The following MYH13 variants were observed in gnomAD, a reference collection of about 807,000 sequenced individuals.
MYH13 encodes myosin-13.
A neutral mutation model predicts 232.1 loss-of-function variants in MYH13; 177 were observed. The observed-to-expected ratio is 0.76, with a 90% CI of 0.67 to 0.86. MYH13 has a LOEUF of 0.86. Among genes scored for constraint, MYH13 ranks in the 40% least tolerant of loss-of-function variants. The pLI is 0.00. For missense variants in MYH13, 2,246 were observed against 2,405.9 expected (o/e 0.93, Z 1.39); for synonymous variants, 884 against 923.5 (o/e 0.96, Z 0.78).
Position 10,306,344 on chromosome 17 carries a change from A to G in MYH13, c.5466+115T>C, listed in dbSNP as rs117534479. ...ACAGGGAATTTTTCAAGCAGTCCTG[A>G]AACTGAATTTGCAATCTATTCATTC... On this transcript the variant is annotated intron_variant, in intron 37 of 40. Coordinates refer to ENST00000252172, the MANE Select transcript of MYH13 (RefSeq NM_003802.3). This position sits in a 1 kb window ranked among gnomAD's most constrained non-coding sequence, Gnocchi z 4.3. 5.3e-3 allele frequency: 7,714 copies of G among 1,457,526 alleles called. 32 individuals carry two copies. The highest frequency in any genetic ancestry group is 6.3e-3 in the Non-Finnish European group (6,781 of 1,069,018). 90.3% of individuals were successfully genotyped at this position (1,457,526 alleles called of 1,614,324 possible).
intron 18 of MYH13, among the ~76,000 whole-genome samples, chr17:10,333,533 C>T (rs1421602511): frequency 4.0e-5 from 6 of 151,774 alleles, no homozygotes; most frequent in Admixed American, 6.6e-5. Flanking sequence ...TGGGATAACC[C>T]GAGATGTCTT....
chr17:10,356,937 A>G (rs182354879), intron 8 of MYH13, among the ~76,000 whole-genome samples: 40 of 152,290 alleles, frequency 2.6e-4, no homozygotes, highest in African/African-American at 8.4e-4. Context: ...ATCCTTCAAT[A>G]TCTTCAGTAT....
rs571155353 is a variant in MYH13 at position 10,351,078 on chromosome 17, A to G, written c.1006-384T>C. ...CTACTAAAAATACAAAAAATTAGCC[A>G]GGCATGGTGGCTGGCACCTGTAGTC... On this transcript the variant is annotated intron_variant, in intron 11 of 40. Transcript: ENST00000252172. 1.6e-4 allele frequency among the ~76,000 whole-genome samples: 25 copies of G among 152,050 alleles called. No homozygotes were observed. The South Asian group carries it at 5.2e-3, about 32-fold the overall frequency.
chr17:10,334,814 G>C (rs893524516), intron 18 of MYH13, among the ~76,000 whole-genome samples: 1 of 152,174 alleles, frequency 6.6e-6, no homozygotes, highest in African/African-American at 2.4e-5. Context: ...AGGAGGCGGA[G>C]GTTGCAGTGA....
chr17:10,359,879 C>A, intron 7 of MYH13, 81 bp downstream of exon 7: 2 of 1,286,386 alleles, frequency 1.6e-6, no homozygotes, highest in Non-Finnish European at 2.3e-6. Flanking sequence ...TGAGCGCATA[C>A]CCTGCATACA....
At chr17:10,368,534 A>G (rs2071855124) in intron 2 of MYH13, among the ~76,000 whole-genome samples, 2 of 152,264 alleles carry the variant, frequency 1.3e-5, no homozygotes, top group Admixed American at 1.3e-4. Context: ...ATTGTTAATG[A>G]AACTTTTTAG....
rs3826443 is a variant in MYH13 at position 10,340,361 on chromosome 17, G to A, written c.1935C>T (p.Gly645=). Residue 645 remains glycine, a synonymous_variant, in exon 17 of 41, where the codon GGC becomes GGT. Coordinates refer to ENST00000252172, the MANE Select transcript of MYH13 (RefSeq NM_003802.3). ...GGSKKGGKKK[G]SSFQTVSAVF... is the part of the protein sequence containing the mutation. ...CGGCCGACACGGTCTGGAAAGAGGA[G>A]CCCTTCTTCTTCCCGCCCTTCTTGC... 301 of 1,613,944 alleles carry A rather than the reference G, an allele frequency of 1.9e-4. 3 individuals are homozygous for A. The East Asian group carries it at 6.6e-3, about 35-fold the overall frequency.
At chr17:10,357,640 C>CAT (rs2071758957) in intron 8 of MYH13, 95 bp downstream of exon 8, 4 of 1,086,020 alleles carry the variant, frequency 3.7e-6, no homozygotes. Flanking sequence ...AAAAGGCCCC[C>CAT]ATATATTCCA....
rs2071740471 is a variant in MYH13, at chr17:10,355,243, G to A, written c.739-96C>T. 5 of 1,281,664 alleles carry A rather than the reference G, an allele frequency of 3.9e-6. No individual in the cohort carries two copies. In the Admixed American group the frequency reaches 6.2e-5, roughly 16 times the overall value. 79.4% of individuals were successfully genotyped at this position (1,281,664 alleles called of 1,614,324 possible). On this transcript the variant is annotated intron_variant, in intron 8 of 40. Coordinates refer to ENST00000252172, the MANE Select transcript of MYH13 (RefSeq NM_003802.3). ...GTGCTGCCACAGATAAATTATAAAT[G>A]CAAAAATGCTAGAGAACAGAACTGA...
At chr17:10,326,277 G>A (rs917251891) in intron 22 of MYH13, among the ~76,000 whole-genome samples, 18 of 152,134 alleles carry the variant, frequency 1.2e-4, no homozygotes, top group African/African-American at 3.6e-4. Context: ...TCTCTTGTCC[G>A]CTGTACCTGG....
chr17:10,303,987 T>C (rs945921677), intron 37 of MYH13, among the ~76,000 whole-genome samples: 6 of 152,158 alleles, frequency 3.9e-5, no homozygotes. Context: ...TGGATGAAGC[T>C]GGAAACCATC....
At chr17:10,358,945 G>A (rs2071770063) in intron 7 of MYH13, among the ~76,000 whole-genome samples, 1 of 152,228 alleles carries the variant, frequency 6.6e-6, no homozygotes, top group South Asian at 2.1e-4. Flanking sequence ...AGTTGGTCAA[G>A]GTCCCTCAAC....
In MYH13 at chr17:10,309,297, G is replaced by A. The variant is rs1388793934; in HGVS notation, c.5106C>T (p.Thr1702=). Residue 1702 remains threonine (T), a synonymous_variant, in exon 35 of 41, where the codon ACC becomes ACT. Coordinates refer to ENST00000252172, the MANE Select transcript of MYH13 (RefSeq NM_003802.3). The stretch of plus-strand genomic sequence containing the variant: ...GCAGCTCCTGCTCTGACAGCCTGCG[G>A]GTCCGCTCCGTCTGTTCCAGGGCCA... ...MKVALEQTER[T]RRLSEQELLD... 1 of 1,613,808 alleles carries A rather than the reference G, an allele frequency of 6.2e-7. No individual in the cohort carries two copies. The highest frequency in any genetic ancestry group is 8.5e-7 in the Non-Finnish European group (1 of 1,179,864).
At position 10,328,028 on chromosome 17, in the gene MYH13, C is replaced by G. The variant is rs752096066; in HGVS notation, c.2529G>C (p.Leu843=). ...WMNLFFKIKP[L]LKSAEAEKEM... Reference sequence around the variant, plus strand: ...CCTTCTCGGCCTCTGCACTCTTCAGCAGGGGCTTGATTTTGAAGAACAGGT... The same window carrying G: ...CCTTCTCGGCCTCTGCACTCTTCAGGAGGGGCTTGATTTTGAAGAACAGGT... The change falls in exon 22 of 41, where the codon CTG becomes CTC. Residue 843 remains leucine, a synonymous_variant. Coordinates refer to ENST00000252172, the MANE Select transcript of MYH13 (RefSeq NM_003802.3). The G allele has an allele frequency of 5.3e-5, 85 of 1,614,080 alleles. No individual in the cohort carries two copies. In the Admixed American group the frequency reaches 1.3e-3, roughly 26 times the overall value.
chr17:10,317,422 T>G (rs1906757448), intron 27 of MYH13: 1 of 152,556 alleles, frequency 6.6e-6, no homozygotes, highest in Non-Finnish European at 1.5e-5. Context: ...ACGCAGACCC[T>G]AAACACTGGC....
At chr17:10,342,136 C>G (rs2071623523) in intron 16 of MYH13, among the ~76,000 whole-genome samples, 1 of 152,144 alleles carries the variant, frequency 6.6e-6, no homozygotes, top group South Asian at 2.1e-4. Flanking sequence ...ATTTCAGCCA[C>G]CCAATCTCAT....
intron 33 of MYH13, 134 bp downstream of exon 33, chr17:10,310,969 T>A: frequency 9.0e-7 from 1 of 1,110,408 alleles, no homozygotes; most frequent in Non-Finnish European, 1.3e-6. Context: ...TTTCAGCCCC[T>A]GGGATGGCTG....
intron 18 of MYH13, among the ~76,000 whole-genome samples, chr17:10,335,006 A>T (rs191748406): frequency 6.6e-6 from 1 of 152,226 alleles, no homozygotes; most frequent in South Asian, 2.1e-4. Flanking sequence ...AGTGGTTAAG[A>T]TCCCAGCTAT....
chr17:10,325,700 C>T (rs527448642), intron 22 of MYH13, among the ~76,000 whole-genome samples: 6 of 152,276 alleles, frequency 3.9e-5, no homozygotes, highest in South Asian at 2.1e-4. Context: ...TTTATTGAGA[C>T]GGAGTCTCAC....
Sources: allele counts gnomAD v4.1 joint callset (sites outside exome capture counted in the v4.1 genomes callset), GRCh38; gene constraint gnomAD v4.1.1; non-coding constraint Gnocchi (gnomAD v3.1); transcripts MANE v1.5; gene names NCBI Gene and HGNC (gene_info 2026-07-23, HGNC 2026-07-21).